ZNF559: variants seen among roughly 807,000 people sequenced by gnomAD.
ZNF559 encodes the protein zinc finger protein 559, also known as putative protein product of Nbla00121.
A neutral mutation model predicts 14.2 loss-of-function variants in ZNF559; 17 were observed. That is an observed-to-expected ratio of 1.20 (90% CI 0.82 to 1.80). The LOEUF is 1.80. Among genes scored for constraint, ZNF559 ranks in the 40% most tolerant of loss-of-function variants. The probability of loss-of-function intolerance (pLI) is 0.00; values close to 1 mark genes in which losing one functional copy is unlikely to be tolerated. For synonymous variants in ZNF559, 244 were observed against 212.4 expected (o/e 1.15, Z -1.29); for missense variants, 740 against 629.7 (o/e 1.18, Z -1.88).
Position 9,343,004 on chromosome 19 carries a change from A to G in ZNF559, c.1553A>G (p.Glu518Gly), listed in dbSNP as rs144206803. The G allele has an allele frequency of 6.2e-7, 1 of 1,614,068 alleles. No homozygotes were observed. Among genetic ancestry groups the G allele is most frequent in the African/African-American group, 1.3e-5 (1 of 74,930 alleles). The change falls in exon 7 of 7, where the codon GAG (glutamate) becomes GGG (glycine). Residue 518 changes from glutamate (E) to glycine (G), a missense_variant. Glu to Gly is a moderately conservative substitution (Grantham distance 98). Coordinates refer to ENST00000603380, the MANE Select transcript of ZNF559 (RefSeq NM_032497.3). ...CGACATCTAAGAAGTCATAGTGTGG[A>G]GAAACCATATAAGGAATGTGGGCAA... ...LIRHLRSHSV[E>G]KPYKECGQTF...
chr19:9,341,623 G>A, intron 6 of ZNF559, 72 bp from the exon 7 acceptor site: 2 of 1,600,968 alleles, frequency 1.2e-6, no homozygotes, highest in East Asian at 4.5e-5. Flanking sequence ...ACAGAATTCA[G>A]AGTAAAAGGG....
chr19:9,326,676 A>T (rs1241521531), intron 2 of ZNF559, among the ~76,000 whole-genome samples: 1 of 152,222 alleles, frequency 6.6e-6, no homozygotes, highest in Non-Finnish European at 1.5e-5. Flanking sequence ...AATGCAGCAT[A>T]TCCAGTTATC....
Position 9,339,186 on chromosome 19 carries a change from G to A in ZNF559, c.34-7G>A, listed in dbSNP as rs370941003. The A allele has an allele frequency of 3.7e-4, 596 of 1,613,590 alleles. 8 individuals are homozygous for A. In the South Asian group the frequency reaches 4.9e-3, roughly 13 times the overall value. On this transcript the variant is annotated splice_polypyrimidine_tract_variant and splice_region_variant and intron_variant, in intron 4 of 6. Transcript: ENST00000603380. The stretch of plus-strand genomic sequence containing the variant: ...TGCCTGACGCCAGCATGTGTGTGAT[G>A]GTTTAGGACTCAGTGACCTTTGAGG...
intron 2 of ZNF559, among the ~76,000 whole-genome samples, chr19:9,335,161 G>A (rs2067165080): frequency 6.8e-6 from 1 of 147,924 alleles, no homozygotes; most frequent in South Asian, 2.1e-4. Context: ...AAATTAGCTG[G>A]TCATGGTGGC....
chr19:9,339,203 C>T lies in ZNF559; in HGVS notation c.44C>T (p.Thr15Ile), dbSNP rs147865057. ...WLTNYSQDSV[T>I]FEDVAVDFTQ... ...TGTGTGATGGTTTAGGACTCAGTGA[C>T]CTTTGAGGATGTGGCTGTGGACTTC... Residue 15 changes from threonine (T) to isoleucine (I), a missense_variant, in exon 5 of 7, where the codon ACC (threonine) becomes ATC (isoleucine). Coordinates refer to ENST00000603380, the MANE Select transcript of ZNF559 (RefSeq NM_032497.3). The T allele has an allele frequency of 7.4e-6, 12 of 1,613,704 alleles. No homozygotes were observed. The highest frequency in any genetic ancestry group is 8.5e-6 in the Non-Finnish European group (10 of 1,179,842).
chr19:9,340,855 G>A (rs1262580462), intron 5 of ZNF559, among the ~76,000 whole-genome samples: 2 of 150,710 alleles, frequency 1.3e-5, no homozygotes, highest in Non-Finnish European at 2.9e-5. Context: ...ACAGGTGTGA[G>A]CCACCACACC....
chr19:9,339,934 ATTTTTTTT>A (rs545536064), intron 5 of ZNF559, among the ~76,000 whole-genome samples: 23 of 86,412 alleles, frequency 2.7e-4, no homozygotes, highest in African/African-American at 4.2e-4. Flanking sequence ...ACGCCTGGCT[ATTTTTTTT>A]TTTTTTTTTT....
At chr19:9,329,359 A>G (rs912677044) in intron 2 of ZNF559, among the ~76,000 whole-genome samples, 1 of 152,056 alleles carries the variant, frequency 6.6e-6, no homozygotes. Flanking sequence ...TACTGTTATC[A>G]TATTGCTTTT....
chr19:9,324,451 G>C (rs1334676270), intron 1 of ZNF559: 1 of 1,434,662 alleles, frequency 7.0e-7, no homozygotes, highest in African/African-American at 1.4e-5. Flanking sequence ...CTCGGCCCGG[G>C]AGGAGGCGGG....
In ZNF559 at chr19:9,342,080, A is replaced by G. The variant is rs368825012; in HGVS notation, c.629A>G (p.Glu210Gly). The G allele has an allele frequency of 8.1e-6, 13 of 1,612,102 alleles. No homozygotes were observed. Among genetic ancestry groups the G allele is most frequent in the Non-Finnish European group, 1.1e-5 (13 of 1,179,464 alleles). Residue 210 changes from glutamate to glycine, a missense_variant, in exon 7 of 7, where the codon GAG (glutamate) becomes GGG (glycine). By Grantham distance (98) the Glu-to-Gly change is moderately conservative. Coordinates refer to ENST00000603380, the MANE Select transcript of ZNF559 (RefSeq NM_032497.3). Reference sequence around the variant, plus strand: ...GAATGTGTAAGAATTTATGGTGGAGAGAGACCATATACTCATAAGGAGTAT... The same window carrying G: ...GAATGTGTAAGAATTTATGGTGGAGGGAGACCATATACTCATAAGGAGTAT... ...LRECVRIYGG[E>G]RPYTHKEYVE...
At chr19:9,336,592 CTCAAAAAAAAA>C (rs1343224988) in intron 2 of ZNF559, among the ~76,000 whole-genome samples, 3 of 150,630 alleles carry the variant, frequency 2.0e-5, no homozygotes, top group Admixed American at 6.6e-5. Flanking sequence ...GAGACTCCAT[CTCAAAAAAAAA>C]ACAAAAAAAA....
rs747812875 is a variant in ZNF559, at chr19:9,342,003, A to G, written c.552A>G (p.Pro184=). 5.8e-5 allele frequency: 93 copies of G among 1,611,338 alleles called. No homozygotes were observed. The highest frequency in any genetic ancestry group is 6.6e-5 in the Non-Finnish European group (78 of 1,179,290). The part of the protein sequence containing the change: ...VCKKTHTQEK[P]YKCSDCEKGL... ...AGAAAACTCACACTCAAGAGAAACC[A>G]TATAAATGCAGTGACTGTGAAAAAG... Residue 184 remains proline, a synonymous_variant, in exon 7 of 7, where the codon CCA becomes CCG. Transcript: ENST00000603380.
intron 6 of ZNF559, 106 bp from the exon 7 acceptor site, chr19:9,341,589 A>G: frequency 6.4e-7 from 1 of 1,573,632 alleles, no homozygotes; most frequent in Non-Finnish European, 8.6e-7. Context: ...AGTTTCAATT[A>G]TACTAACTTA....
chr19:9,323,838 G>A (rs73920738), upstream of ZNF559: 35,593 of 336,012 alleles, frequency 0.11, 2,714 homozygotes, highest in African/African-American at 0.26. Context: ...ACTCATGAAG[G>A]TTCTGTTTCG....
chr19:9,334,109 T>A (rs1388935022), intron 2 of ZNF559, among the ~76,000 whole-genome samples: 1 of 152,236 alleles, frequency 6.6e-6, no homozygotes, highest in Non-Finnish European at 1.5e-5. Flanking sequence ...GGATATACCC[T>A]TAAATGCGAC....
At chr19:9,329,853 G>A (rs191190285) in intron 2 of ZNF559, among the ~76,000 whole-genome samples, 79 of 152,170 alleles carry the variant, frequency 5.2e-4, no homozygotes, top group African/African-American at 1.8e-3. Context: ...TAGTAGAAAC[G>A]GGGTTTCACC....
At chr19:9,341,644 T>C (rs1343168899) in intron 6 of ZNF559, 51 bp from the exon 7 acceptor site, 4 of 1,604,012 alleles carry the variant, frequency 2.5e-6, no homozygotes, top group Non-Finnish European at 3.4e-6. Flanking sequence ...AGAATCTCAA[T>C]GAAATAAATT....
chr19:9,343,805 G>C lies in ZNF559; in HGVS notation c.*737G>C. 1.0e-6 allele frequency: 1 copy of C among 985,182 alleles called. No homozygotes were observed. The highest frequency in any genetic ancestry group is 4.7e-5 in the South Asian group (1 of 21,290). 61.0% of individuals were successfully genotyped at this position (985,182 alleles called of 1,614,324 possible). On this transcript the variant is annotated 3_prime_UTR_variant, in exon 7 of 7. Transcript: ENST00000603380. ...TTTTGGTAAATATACATGTTTTAAA[G>C]AGGTTATATATCATTAATAAAAATA...
chr19:9,343,408 CATT>C lies in ZNF559; in HGVS notation c.*344_*346del, dbSNP rs905053364. ...AATGTGAGGAAGGTGGAAAAGCTTT[CATT>C]ATTTTCCTCGGGCCTTACTGAGCTT... is the stretch of plus-strand genomic sequence containing the variant. On this transcript the variant is annotated 3_prime_UTR_variant, in exon 7 of 7. Coordinates refer to ENST00000603380, the MANE Select transcript of ZNF559 (RefSeq NM_032497.3). 7 of 1,090,760 alleles carry C rather than the reference CATT, an allele frequency of 6.4e-6. No homozygotes were observed. The highest frequency in any genetic ancestry group is 4.3e-4 in the Middle Eastern group (1 of 2,342). The allele number at this position is 1,090,760 out of a possible 1,614,324, so 67.6% of individuals were successfully genotyped here. A position where few individuals can be genotyped will look rare whatever the true frequency, so the allele number is the denominator to read the frequency against.
Sources: gnomAD v4.1 joint callset for allele counts (sites outside exome capture counted in the v4.1 genomes callset) on GRCh38, gnomAD v4.1.1 for gene constraint, MANE v1.5 for transcripts, NCBI Gene and HGNC (gene_info 2026-07-23, HGNC 2026-07-21) for gene names.